Variants in ARHGEF10 observed in about 807,000 individuals in gnomAD.
The protein encoded by ARHGEF10 is Rho guanine nucleotide exchange factor 10.
A neutral mutation model predicts 147.4 loss-of-function variants in ARHGEF10; 140 were observed. That is an observed-to-expected ratio of 0.95 (90% CI 0.83 to 1.09). The LOEUF (loss-of-function observed/expected upper bound fraction) is 1.09. Ranked by LOEUF, ARHGEF10 falls within the 50% of genes least tolerant of loss-of-function variation. ARHGEF10 has a pLI of 0.00. For synonymous variants in ARHGEF10, 902 were observed against 695.8 expected, an observed-to-expected ratio of 1.30 and a Z score of -4.67; for missense variants, 2,222 against 1,752.7, an observed-to-expected ratio of 1.27 and a Z score of -4.78.
intron 26 of ARHGEF10, among the ~76,000 whole-genome samples, chr8:1,936,076 G>A (rs758464798): frequency 3.3e-5 from 5 of 152,076 alleles, no homozygotes; most frequent in East Asian, 1.9e-4. Flanking sequence ...TTTTTCAGCC[G>A]TGTCATATGT....
chr8:1,857,889 T>C (rs574390641), intron 2 of ARHGEF10, 71 bp from the exon 3 acceptor site: 1 of 1,038,068 alleles, frequency 9.6e-7, no homozygotes, highest in African/African-American at 1.7e-5. Context: ...GATCTATCTA[T>C]CTATCTATCT....
chr8:1,873,915 A>G (rs1807408748), intron 7 of ARHGEF10, among the ~76,000 whole-genome samples: 1 of 152,028 alleles, frequency 6.6e-6, no homozygotes, highest in African/African-American at 2.4e-5. Flanking sequence ...CGGTCAGTTC[A>G]GCACGTAGGA....
chr8:1,898,376 G>T, intron 14 of ARHGEF10, 57 bp from the exon 15 acceptor site: 1 of 1,506,658 alleles, frequency 6.6e-7, no homozygotes, highest in Non-Finnish European at 9.2e-7. Flanking sequence ...GCGGCCCCAG[G>T]GGCAGGGAGG....
chr8:1,938,593 C>G (rs1371122612), intron 26 of ARHGEF10, among the ~76,000 whole-genome samples: 1 of 151,980 alleles, frequency 6.6e-6, no homozygotes, highest in East Asian at 1.9e-4. Context: ...CGTTTTTTTT[C>G]TCATAGGAAG....
intron 11 of ARHGEF10, among the ~76,000 whole-genome samples, chr8:1,891,851 G>T (rs941665353): frequency 3.8e-4 from 58 of 151,670 alleles, no homozygotes; most frequent in African/African-American, 1.3e-3. Context: ...CCAGAATATT[G>T]GTTTTGTTTT....
At chr8:1,892,059 A>G (rs1434513024) in intron 11 of ARHGEF10, among the ~76,000 whole-genome samples, 1 of 150,538 alleles carries the variant, frequency 6.6e-6, no homozygotes, top group Non-Finnish European at 1.5e-5. Flanking sequence ...ATATACACAA[A>G]TACATTTTTA....
chr8:1,956,233 A>G (rs1815555632), intron 28 of ARHGEF10, among the ~76,000 whole-genome samples: 1 of 152,222 alleles, frequency 6.6e-6, no homozygotes, highest in African/African-American at 2.4e-5. Context: ...ACATCACCTG[A>G]AAACTGAAAG....
intron 1 of ARHGEF10, among the ~76,000 whole-genome samples, chr8:1,826,465 A>G (rs1474416591): frequency 1.3e-5 from 2 of 151,910 alleles, no homozygotes; most frequent in Non-Finnish European, 2.9e-5. Context: ...AGTTGTAGAT[A>G]GAGGCGTTGG....
At chr8:1,892,342 T>C (rs931376381) in intron 11 of ARHGEF10, among the ~76,000 whole-genome samples, 3 of 145,286 alleles carry the variant, frequency 2.1e-5, no homozygotes, top group Non-Finnish European at 3.0e-5. Context: ...ATCCCAGCGA[T>C]ACCTGTATTT....
chr8:1,897,710 A>G (rs3758010), intron 14 of ARHGEF10, among the ~76,000 whole-genome samples: 19,621 of 151,332 alleles, frequency 0.13, 1,690 homozygotes, highest in East Asian at 0.32. Context: ...GAAAGAAAAC[A>G]TGGACTCACT....
intron 2 of ARHGEF10, among the ~76,000 whole-genome samples, chr8:1,848,270 C>T (rs1029718499): frequency 2.6e-5 from 4 of 152,348 alleles, no homozygotes; most frequent in South Asian, 2.1e-4. Flanking sequence ...ACGCGCCACA[C>T]GGCGTTTCCT....
chr8:1,939,766 A>T (rs1465205139), intron 26 of ARHGEF10, among the ~76,000 whole-genome samples: 1 of 152,204 alleles, frequency 6.6e-6, no homozygotes, highest in African/African-American at 2.4e-5. Flanking sequence ...CTGCGAGCAC[A>T]GTAGGGGACA....
chr8:1,954,002 C>A (rs1003318434), intron 28 of ARHGEF10, among the ~76,000 whole-genome samples: 1 of 152,168 alleles, frequency 6.6e-6, no homozygotes, highest in African/African-American at 2.4e-5. Flanking sequence ...CTAGTTTTGC[C>A]ATTCATTTCC....
intron 17 of ARHGEF10, among the ~76,000 whole-genome samples, chr8:1,907,731 A>G (rs1283902471): frequency 2.0e-5 from 3 of 152,184 alleles, no homozygotes; most frequent in Non-Finnish European, 4.4e-5. Flanking sequence ...CCACGATGCC[A>G]GGGCTTGAAT....
chr8:1,853,145 G>A (rs1276446879), intron 2 of ARHGEF10, among the ~76,000 whole-genome samples: 2 of 152,228 alleles, frequency 1.3e-5, no homozygotes, highest in Non-Finnish European at 2.9e-5. Flanking sequence ...ACTGCCGTCT[G>A]TGTTTCCTCC....
chr8:1,900,287 T>A (rs1585458118), intron 15 of ARHGEF10, among the ~76,000 whole-genome samples: 1 of 152,230 alleles, frequency 6.6e-6, no homozygotes, highest in Non-Finnish European at 1.5e-5. Context: ...GGGAAAAGCC[T>A]CTACCGGGAT....
At chr8:1,853,732 G>C (rs1026909804) in intron 2 of ARHGEF10, among the ~76,000 whole-genome samples, 6 of 152,236 alleles carry the variant, frequency 3.9e-5, no homozygotes, top group African/African-American at 1.4e-4. Context: ...TCCCAGGTCA[G>C]GGTGCTGGCA....
At chr8:1,870,787 C>G (rs1563205842) in intron 7 of ARHGEF10, 1 of 152,006 alleles carries the variant, frequency 6.6e-6, no homozygotes, top group Non-Finnish European at 1.5e-5. Context: ...TTTAAGAAAA[C>G]TGTCTCTGCT....
Position 1,928,609 on chromosome 8 carries a change from T to G in ARHGEF10, c.2880T>G (p.Ala960=), listed in dbSNP as rs1307004976. Residue 960 remains alanine (A), a synonymous_variant, in exon 24 of 29, where the codon GCT becomes GCG. Coordinates refer to ENST00000349830, the MANE Select transcript of ARHGEF10 (RefSeq NM_014629.4). ...PPDPETPAVR[A]SDVPTICVGT... is the part of the protein sequence containing the mutation. Reference sequence around the variant, plus strand: ...ACCCCGAGACCCCGGCCGTGAGAGCTTCTGATGTCCCCACGATCTGTGTAG... The same window carrying G: ...ACCCCGAGACCCCGGCCGTGAGAGCGTCTGATGTCCCCACGATCTGTGTAG... The G allele has an allele frequency of 1.2e-6, 2 of 1,614,028 alleles. No homozygotes were observed. Among genetic ancestry groups the G allele is most frequent in the Non-Finnish European group, 1.7e-6 (2 of 1,180,010 alleles).
Sources: allele counts gnomAD v4.1 joint callset (sites outside exome capture counted in the v4.1 genomes callset), GRCh38; gene constraint gnomAD v4.1.1; transcripts MANE v1.5; gene names NCBI Gene and HGNC (gene_info 2026-07-23, HGNC 2026-07-21).